GLIS3: variants seen among roughly 807,000 people sequenced by gnomAD.
GLIS3 encodes GLIS family zinc finger 3, also known as zinc finger protein GLIS3.
In GLIS3, 53 loss-of-function variants were observed where a neutral mutation model predicts 78.6. The ratio of observed to expected loss-of-function variants is 0.67; its 90% confidence interval spans 0.54 to 0.85. The LOEUF (loss-of-function observed/expected upper bound fraction) is 0.85. GLIS3 is among the 40% of genes least tolerant of loss of function. The pLI is 0.00. For synonymous variants in GLIS3, 684 were observed against 509.9 expected (o/e 1.34, Z -4.60); for missense variants, 1,703 against 1,231.1 (o/e 1.38, Z -5.74).
chr9:3,928,047 G>A (rs1825369704), intron 6 of GLIS3, among the ~76,000 whole-genome samples: 1 of 152,204 alleles, frequency 6.6e-6, no homozygotes, highest in Non-Finnish European at 1.5e-5. Context: ...GAGGTGTGAG[G>A]TAAGTAATGC....
the GLIS3 span, among the ~76,000 whole-genome samples, chr9:4,368,106 T>C: frequency 2.0e-5 from 3 of 152,262 alleles, no homozygotes; most frequent in Non-Finnish European, 4.4e-5. Flanking sequence ...TCACATGGCA[T>C]GACTATTCTC....
In GLIS3 at chr9:4,005,726, C is replaced by G. The variant is rs80092549; in HGVS notation, c.1711-68537G>C. ...AATAGCAAAAGAATCTGAAAATAAC[C>G]TAAACATCTGCCAACAGAATGAATT... On this transcript the variant is annotated intron_variant, in intron 4 of 10. Coordinates refer to ENST00000381971, the MANE Select transcript of GLIS3 (RefSeq NM_001042413.2). Among the ~76,000 whole-genome samples the G allele has an allele frequency of 1.1e-3, 168 of 152,236 alleles. 3 individuals carry two copies. The East Asian group carries it at 0.03, about 27-fold the overall frequency.
At chr9:4,253,555 G>A (rs1228891815) in intron 2 of GLIS3, among the ~76,000 whole-genome samples, 1 of 152,200 alleles carries the variant, frequency 6.6e-6, no homozygotes, top group Non-Finnish European at 1.5e-5. Context: ...CTGTGCGGGT[G>A]GGATCCGCTG....
chr9:4,008,885 C>A (rs1052921462), intron 4 of GLIS3, among the ~76,000 whole-genome samples: 1 of 151,946 alleles, frequency 6.6e-6, no homozygotes, highest in Non-Finnish European at 1.5e-5. Context: ...CACGGTTATG[C>A]ACTTGACCCA....
chr9:4,374,656 G>C, the GLIS3 span, among the ~76,000 whole-genome samples: 4 of 152,206 alleles, frequency 2.6e-5, no homozygotes, highest in African/African-American at 9.7e-5. Context: ...TTCTCCACCA[G>C]GAGGAAGAGA....
At chr9:4,341,298 A>T (rs1271981294) in intron 2 of GLIS3, among the ~76,000 whole-genome samples, 1 of 152,202 alleles carries the variant, frequency 6.6e-6, no homozygotes, top group Non-Finnish European at 1.5e-5. Context: ...CACTCACACG[A>T]GTGAAAGATA....
At chr9:4,180,147 A>G (rs1817176853) in intron 2 of GLIS3, among the ~76,000 whole-genome samples, 1 of 152,072 alleles carries the variant, frequency 6.6e-6, no homozygotes, top group African/African-American at 2.4e-5. Context: ...TAGAGGTCCT[A>G]GGATAGAGAA....
the GLIS3 span, among the ~76,000 whole-genome samples, chr9:4,456,100 T>A: frequency 1.3e-5 from 2 of 151,940 alleles, no homozygotes; most frequent in Non-Finnish European, 2.9e-5. Flanking sequence ...AGAGTGAGAC[T>A]CCATCTAAGA....
At chr9:4,008,597 C>T (rs187028585) in intron 4 of GLIS3, among the ~76,000 whole-genome samples, 1 of 152,242 alleles carries the variant, frequency 6.6e-6, no homozygotes, top group East Asian at 1.9e-4. Context: ...TTTCTGTGGC[C>T]AGCTGGTGAC....
intron 2 of GLIS3, among the ~76,000 whole-genome samples, chr9:4,237,330 T>C (rs1822857925): frequency 6.6e-6 from 1 of 151,880 alleles, no homozygotes; most frequent in African/African-American, 2.4e-5. Context: ...TGACACAACA[T>C]GAAGAATGAA....
At chr9:4,165,091 G>C (rs1835775991) in intron 2 of GLIS3, among the ~76,000 whole-genome samples, 1 of 152,148 alleles carries the variant, frequency 6.6e-6, no homozygotes, top group African/African-American at 2.4e-5. Context: ...AGGGTCCACA[G>C]ATGCAGGAGA....
chr9:4,073,738 AG>A, intron 4 of GLIS3, among the ~76,000 whole-genome samples: 1 of 152,328 alleles, frequency 6.6e-6, no homozygotes, highest in African/African-American at 2.4e-5. Context: ...CCAATAGCTT[AG>A]CTTCTGCCTC....
intron 4 of GLIS3, among the ~76,000 whole-genome samples, chr9:4,014,274 G>A (rs937147276): frequency 6.6e-6 from 1 of 152,158 alleles, no homozygotes; most frequent in African/African-American, 2.4e-5. Flanking sequence ...TCAGAAAACT[G>A]AGAAGTGGCC....
intron 4 of GLIS3, among the ~76,000 whole-genome samples, chr9:4,013,968 C>T (rs933402489): frequency 6.6e-6 from 1 of 152,122 alleles, no homozygotes; most frequent in Admixed American, 6.5e-5. Context: ...CAGGGGAGTG[C>T]CTTTTACTTC....
chr9:4,243,428 C>T (rs549963267), intron 2 of GLIS3, among the ~76,000 whole-genome samples: 2 of 151,984 alleles, frequency 1.3e-5, no homozygotes, highest in Non-Finnish European at 2.9e-5. Context: ...GCATAGAGTA[C>T]TAACACAGGT....
At chr9:3,973,095 C>A (rs768569027) in intron 4 of GLIS3, among the ~76,000 whole-genome samples, 3 of 152,088 alleles carry the variant, frequency 2.0e-5, no homozygotes, top group Non-Finnish European at 4.4e-5. Flanking sequence ...TGGTTTATTA[C>A]AGAGAAAAAA....
At chr9:4,175,955 G>C (rs909222797) in intron 2 of GLIS3, among the ~76,000 whole-genome samples, 1 of 152,152 alleles carries the variant, frequency 6.6e-6, no homozygotes. Context: ...TTGAAATCCA[G>C]GGCTTCTCCT....
At chr9:3,959,600 G>A (rs999062623) in intron 4 of GLIS3, among the ~76,000 whole-genome samples, 2 of 152,056 alleles carry the variant, frequency 1.3e-5, no homozygotes, top group East Asian at 3.9e-4. Context: ...ATCCTCACAA[G>A]CCCTGCAGCT....
chr9:3,896,311 A>AT (rs1182083823), intron 7 of GLIS3, among the ~76,000 whole-genome samples: 1 of 152,080 alleles, frequency 6.6e-6, no homozygotes, highest in African/African-American at 2.4e-5. Flanking sequence ...AAGGCGTAAC[A>AT]TTTTTTTAAA....
Sources: gnomAD v4.1 joint callset for allele counts (sites outside exome capture counted in the v4.1 genomes callset) on GRCh38, gnomAD v4.1.1 for gene constraint, MANE v1.5 for transcripts, NCBI Gene and HGNC (gene_info 2026-07-23, HGNC 2026-07-21) for gene names.